The following RNF220 variants were observed in gnomAD, a reference collection of about 807,000 sequenced individuals.
RNF220 encodes E3 ubiquitin-protein ligase RNF220.
A neutral mutation model predicts 67.1 loss-of-function variants in RNF220; 7 were observed. The ratio of observed to expected loss-of-function variants is 0.10; its 90% confidence interval spans 0.06 to 0.20. The LOEUF (loss-of-function observed/expected upper bound fraction) is 0.20. Among genes scored for constraint, RNF220 ranks in the 10% least tolerant of loss-of-function variants. RNF220 has a pLI of 1.00. For missense variants in RNF220, 565 were observed against 740.3 expected (o/e 0.76, Z 2.75); for synonymous variants, 270 against 283.2 (o/e 0.95, Z 0.47).
intron 2 of RNF220, among the ~76,000 whole-genome samples, chr1:44,476,955 C>T (rs1572623537): frequency 6.6e-6 from 1 of 152,102 alleles, no homozygotes; most frequent in African/African-American, 2.4e-5. Context: ...GCAAAGAGCC[C>T]ATCAGTTATG....
chr1:44,591,577 G>A (rs140917786), intron 2 of RNF220, among the ~76,000 whole-genome samples: 79 of 152,340 alleles, frequency 5.2e-4, no homozygotes, highest in African/African-American at 1.8e-3. Context: ...GGCTTATTAG[G>A]GTGTGGTTAG....
chr1:44,557,854 C>T (rs1427874750), intron 2 of RNF220, among the ~76,000 whole-genome samples: 2 of 152,178 alleles, frequency 1.3e-5, no homozygotes, highest in Non-Finnish European at 2.9e-5. Flanking sequence ...CTTCACATCC[C>T]CCACCAGCCT....
At chr1:44,527,925 C>CAA (rs56409207) in intron 2 of RNF220, among the ~76,000 whole-genome samples, 16,703 of 55,830 alleles carry the variant, frequency 0.3, 5,374 homozygotes, top group Non-Finnish European at 0.35. Flanking sequence ...GACTCCATCC[C>CAA]AAAAAAAAAA....
rs539264666 is a variant in RNF220 at position 44,573,357 on chromosome 1, A to G, written c.626-40808A>G. Among the ~76,000 whole-genome samples the G allele has an allele frequency of 2.6e-5, 4 of 152,330 alleles. No homozygotes were observed. In the South Asian group the frequency reaches 8.3e-4, roughly 32 times the overall value. Reference sequence around the variant, plus strand: ...CTGGGCCCTGCCCATGGAATGCTGCATCCAGAAAAAAGAGATGTCAGGATC... The same window carrying G: ...CTGGGCCCTGCCCATGGAATGCTGCGTCCAGAAAAAAGAGATGTCAGGATC... On this transcript the variant is annotated intron_variant, in intron 2 of 14. Transcript: ENST00000361799.
intron 2 of RNF220, among the ~76,000 whole-genome samples, chr1:44,460,609 G>C (rs1373931579): frequency 1.3e-5 from 2 of 152,182 alleles, no homozygotes; most frequent in Non-Finnish European, 2.9e-5. Flanking sequence ...AAACTTCCCT[G>C]TTTTTAGTTA....
At chr1:44,489,425 GGA>G (rs1656650471) in intron 2 of RNF220, among the ~76,000 whole-genome samples, 1 of 152,200 alleles carries the variant, frequency 6.6e-6, no homozygotes, top group Non-Finnish European at 1.5e-5. Flanking sequence ...CAGAGGAAAG[GGA>G]GATGGCTTTC....
chr1:44,589,941 C>T (rs1329074551), intron 2 of RNF220, among the ~76,000 whole-genome samples: 5 of 152,112 alleles, frequency 3.3e-5, no homozygotes, highest in African/African-American at 7.2e-5. Context: ...TAAGGCTGCA[C>T]GGGAGGTGAG....
intron 2 of RNF220, among the ~76,000 whole-genome samples, chr1:44,444,090 C>CA (rs1275703006): frequency 6.6e-6 from 1 of 151,946 alleles, no homozygotes; most frequent in Non-Finnish European, 1.5e-5. Context: ...GACTCCGTCT[C>CA]AAAAAAAGAA....
intron 2 of RNF220, among the ~76,000 whole-genome samples, chr1:44,501,226 A>C (rs1185384626): frequency 7.5e-5 from 4 of 53,348 alleles, no homozygotes; most frequent in Non-Finnish European, 1.2e-4. Flanking sequence ...GGGAGTGGGA[A>C]GGGTGTGGGG....
At chr1:44,432,924 C>G (rs1650560578) in intron 2 of RNF220, among the ~76,000 whole-genome samples, 1 of 123,524 alleles carries the variant, frequency 8.1e-6, no homozygotes, top group Non-Finnish European at 1.6e-5. Flanking sequence ...GAGTCTTGCT[C>G]TGTTGCTCAG....
chr1:44,524,427 C>T (rs546243492), intron 2 of RNF220, among the ~76,000 whole-genome samples: 2 of 152,244 alleles, frequency 1.3e-5, no homozygotes, highest in African/African-American at 4.8e-5. Flanking sequence ...TTGGCCAACC[C>T]CTTCCTCAAC....
intron 2 of RNF220, among the ~76,000 whole-genome samples, chr1:44,507,874 T>C (rs56810307): frequency 0.14 from 20,654 of 147,944 alleles, 2,098 homozygotes; most frequent in East Asian, 0.47. Flanking sequence ...TGCCCCCCCC[T>C]CACCACACTC....
intron 2 of RNF220, among the ~76,000 whole-genome samples, chr1:44,437,373 T>G (rs1334276673): frequency 6.6e-6 from 1 of 152,244 alleles, no homozygotes; most frequent in Non-Finnish European, 1.5e-5. Context: ...AATTAAAATA[T>G]ATTCTAAAAA....
intron 5 of RNF220, among the ~76,000 whole-genome samples, chr1:44,627,302 G>C (rs868662832): frequency 8.0e-6 from 1 of 125,194 alleles, no homozygotes; most frequent in African/African-American, 3.1e-5. Context: ...CTGAGACCAC[G>C]CCATTGTACT....
intron 2 of RNF220, among the ~76,000 whole-genome samples, chr1:44,594,892 T>A (rs944672507): frequency 6.6e-6 from 1 of 151,978 alleles, no homozygotes; most frequent in Non-Finnish European, 1.5e-5. Context: ...GCTAAGCCCA[T>A]CTCCAAAAAA....
chr1:44,577,713 C>G (rs1042681590), intron 2 of RNF220, among the ~76,000 whole-genome samples: 1 of 152,260 alleles, frequency 6.6e-6, no homozygotes, highest in Non-Finnish European at 1.5e-5. Flanking sequence ...CGCCTATAAT[C>G]CCAGCACTGT....
rs1376733805 is a variant in RNF220 at position 44,650,533 on chromosome 1, A to G, written c.1630-171A>G. ...TTTGATCCTGGCGTCCCCCCAACACAGGAGCGTGCCTGCCTGCTCACAGAA... is the reference window on the plus strand; with the variant it reads ...TTTGATCCTGGCGTCCCCCCAACACGGGAGCGTGCCTGCCTGCTCACAGAA... On this transcript the variant is annotated intron_variant, in intron 14 of 14. Coordinates refer to ENST00000361799, the MANE Select transcript of RNF220 (RefSeq NM_018150.4). The surrounding 1 kb of genome is among the most constrained non-coding windows in gnomAD (Gnocchi z 4.3). 12 of 655,788 alleles carry G rather than the reference A, an allele frequency of 1.8e-5. No homozygotes were observed. The highest frequency in any genetic ancestry group is 2.4e-5 in the Non-Finnish European group (9 of 371,168). 40.6% of individuals were successfully genotyped at this position (655,788 alleles called of 1,614,324 possible). A position where few individuals can be genotyped will look rare whatever the true frequency, so the allele number is the denominator to read the frequency against.
intron 2 of RNF220, among the ~76,000 whole-genome samples, chr1:44,453,967 C>A (rs1296233976): frequency 1.3e-5 from 2 of 152,138 alleles, no homozygotes; most frequent in African/African-American, 4.8e-5. Flanking sequence ...GTTGCCAGAG[C>A]AATGACATCA....
At chr1:44,527,273 A>G (rs1660450695) in intron 2 of RNF220, among the ~76,000 whole-genome samples, 1 of 152,074 alleles carries the variant, frequency 6.6e-6, no homozygotes, top group Non-Finnish European at 1.5e-5. Flanking sequence ...ATGATCCATC[A>G]GCACCATCTA....
Sources: gnomAD v4.1 joint callset for allele counts (sites outside exome capture counted in the v4.1 genomes callset) on GRCh38, gnomAD v4.1.1 for gene constraint, Gnocchi (gnomAD v3.1) non-coding constraint, MANE v1.5 for transcripts, NCBI Gene and HGNC (gene_info 2026-07-23, HGNC 2026-07-21) for gene names.